The following IFFO1 variants were observed in gnomAD, a reference collection of about 807,000 sequenced individuals.
The protein encoded by IFFO1 is intermediate filament family orphan 1, also known as non-homologous end joining factor IFFO1.
IFFO1 carries 42 observed loss-of-function variants against 59.6 expected under a neutral mutation model. The observed-to-expected ratio is 0.70, with a 90% CI of 0.55 to 0.91. IFFO1 has a LOEUF of 0.91. IFFO1 is among the 40% of genes least tolerant of loss of function. IFFO1 has a pLI of 0.00. For missense variants in IFFO1, 711 were observed against 793.2 expected (o/e 0.90, Z 1.24); for synonymous variants, 336 against 342.8 (o/e 0.98, Z 0.22).
In IFFO1 at chr12:6,555,890, C is replaced by G. The variant is rs780277214; in HGVS notation, c.140G>C (p.Gly47Ala). The G allele has an allele frequency of 6.3e-7, 1 of 1,583,810 alleles. No homozygotes were observed. Among genetic ancestry groups the G allele is most frequent in the Non-Finnish European group, 8.6e-7 (1 of 1,168,392 alleles). The change falls in exon 1 of 10, where the codon GGC becomes GCC. Residue 47 changes from glycine (G) to alanine (A), a missense_variant. This residue lies in a region of IFFO1 where 114 missense variants were observed against 102.4 expected (regional missense o/e 1.11). Transcript: ENST00000619571. This position sits in a 1 kb window ranked among gnomAD's most constrained non-coding sequence, Gnocchi z 8.6. ...DLPPAPLSPAGPAAYSPPGPG... is the reference protein window; with the variant it reads ...DLPPAPLSPAAPAAYSPPGPG... ...CCCGGGCGGCGAGTAGGCAGCAGGG[C>G]CGGCCGGCGAGAGAGGCGCCGGGGG...
rs1322567495 is a variant in IFFO1, at chr12:6,548,921, G to C, written c.1081-72C>G. The C allele has an allele frequency of 9.0e-6, 12 of 1,332,528 alleles. No individual in the cohort carries two copies. Among genetic ancestry groups the C allele is most frequent in the Admixed American group, 2.1e-5 (1 of 48,064 alleles). 82.5% of individuals were successfully genotyped at this position (1,332,528 alleles called of 1,614,324 possible). A position where few individuals can be genotyped will look rare whatever the true frequency, so the allele number is the denominator to read the frequency against. On this transcript the variant is annotated intron_variant, in intron 5 of 9. Transcript: ENST00000619571. This position sits in a 1 kb window ranked among gnomAD's most constrained non-coding sequence, Gnocchi z 6.1. ...AGGCCGGGCAGAGAGGGTGGGAATGGGGGAGAAGCATGAACCAGTAGGAAG... is the reference window on the plus strand; with the variant it reads ...AGGCCGGGCAGAGAGGGTGGGAATGCGGGAGAAGCATGAACCAGTAGGAAG...
Position 6,548,321 on chromosome 12 carries a change from G to C in IFFO1, c.1383+104C>G. Reference sequence around the variant, plus strand: ...AGGAAGAGGGGAGACGCAGGTAGAGGATGACAGCCACATGGGGGGACAGAG... The same window carrying C: ...AGGAAGAGGGGAGACGCAGGTAGAGCATGACAGCCACATGGGGGGACAGAG... On this transcript the variant is annotated intron_variant, in intron 7 of 9. Coordinates refer to ENST00000619571, the MANE Select transcript of IFFO1 (RefSeq NM_001193457.2). This position sits in a 1 kb window ranked among gnomAD's most constrained non-coding sequence, Gnocchi z 6.1. 7.1e-7 allele frequency: 1 copy of C among 1,411,678 alleles called. No individual in the cohort carries two copies. The highest frequency in any genetic ancestry group is 9.8e-7 in the Non-Finnish European group (1 of 1,016,614). 87.4% of individuals were successfully genotyped at this position (1,411,678 alleles called of 1,614,324 possible).
rs530715454 is a variant in IFFO1, at chr12:6,548,920, G to T, written c.1081-71C>A. ...GAGGCCGGGCAGAGAGGGTGGGAAT[G>T]GGGGAGAAGCATGAACCAGTAGGAA... On this transcript the variant is annotated intron_variant, in intron 5 of 9. Coordinates refer to ENST00000619571, the MANE Select transcript of IFFO1 (RefSeq NM_001193457.2). This position sits in a 1 kb window ranked among gnomAD's most constrained non-coding sequence, Gnocchi z 6.1. The T allele has an allele frequency of 1.5e-6, 2 of 1,334,564 alleles. No individual in the cohort carries two copies. Among genetic ancestry groups the T allele is most frequent in the South Asian group, 1.3e-5 (1 of 75,260 alleles). The allele number at this position is 1,334,564 out of a possible 1,614,324, so 82.7% of individuals were successfully genotyped here.
Position 6,549,780 on chromosome 12 carries a change from G to A in IFFO1, c.1047C>T (p.Cys349=), listed in dbSNP as rs199954160. Residue 349 remains cysteine (C), a synonymous_variant, in exon 4 of 10, where the codon TGC becomes TGT. Coordinates refer to ENST00000619571, the MANE Select transcript of IFFO1 (RefSeq NM_001193457.2). This position sits in a 1 kb window ranked among gnomAD's most constrained non-coding sequence, Gnocchi z 5.0. ...KLCDVAQQRN[C]EDMIQMFQKK... ...CCTGGAACATCTGGATCATGTCCTC[G>A]CAGTTGCGCTGCTGAGCCACATCGC... is the stretch of plus-strand genomic sequence containing the variant. 34 of 1,613,844 alleles carry A rather than the reference G, an allele frequency of 2.1e-5. No individual in the cohort carries two copies. The highest frequency in any genetic ancestry group is 8.0e-5 in the African/African-American group (6 of 74,928).
At chr12:6,550,893 CAG>C (rs1015368932) in intron 2 of IFFO1, 46 bp downstream of exon 2, 3 of 1,608,970 alleles carry the variant, frequency 1.9e-6, no homozygotes, top group African/African-American at 2.7e-5. Flanking sequence ...CATGGGCAGA[CAG>C]GGGTACCCAG....
At chr12:6,552,681 T>G (rs1184057541) in intron 1 of IFFO1, among the ~76,000 whole-genome samples, 1 of 152,144 alleles carries the variant, frequency 6.6e-6, no homozygotes, top group Non-Finnish European at 1.5e-5. Flanking sequence ...TATCTGACAG[T>G]GAGCTCAACA....
At position 6,541,229 on chromosome 12, in the gene IFFO1, C is replaced by T. The variant is rs551943783; in HGVS notation, c.1610+283G>A. 6.6e-6 allele frequency among the ~76,000 whole-genome samples: 1 copy of T among 152,300 alleles called. No individual in the cohort carries two copies. Among genetic ancestry groups the T allele is most frequent in the South Asian group, 2.1e-4 (1 of 4,830 alleles). On this transcript the variant is annotated intron_variant, in intron 9 of 9. Coordinates refer to ENST00000619571, the MANE Select transcript of IFFO1 (RefSeq NM_001193457.2). The surrounding 1 kb of genome is among the most constrained non-coding windows in gnomAD (Gnocchi z 4.8). ...TTTAGATAAAAATCTGCCCCCACAA[C>T]CCTTCTGTTCCTTGCCAGTTTTTAA...
rs746972419 is a variant in IFFO1 at position 6,548,801 on chromosome 12, G to A, written c.1129C>T (p.Arg377Trp). Residue 377 changes from arginine (R) to tryptophan (W), a missense_variant, in exon 6 of 10, where the codon CGG (arginine) becomes TGG (tryptophan). Arg to Trp is a moderately radical substitution (Grantham distance 101). Transcript: ENST00000619571. This position sits in a 1 kb window ranked among gnomAD's most constrained non-coding sequence, Gnocchi z 6.1. ...TCCTCGACGGCAGCCTTGCGCTCCC[G>A]CTTCCGCCCCCCCATGGATGGGACC... ...IKVPSMGGRKRERKAAVEEDT... is the reference protein window; with the variant it reads ...IKVPSMGGRKWERKAAVEEDT... 3.5e-5 allele frequency: 56 copies of A among 1,613,358 alleles called. 1 individual carries two copies. Among genetic ancestry groups the A allele is most frequent in the Non-Finnish European group, 4.3e-5 (51 of 1,179,824 alleles).
Position 6,548,985 on chromosome 12 carries a change from AG to A in IFFO1, c.1081-137del. The stretch of plus-strand genomic sequence containing the variant: ...AGAGAAAAGTCACAGTTACAATGAC[AG>A]GAACAGAAACACGGACAGTCACCAA... On this transcript the variant is annotated intron_variant, in intron 5 of 9. Coordinates refer to ENST00000619571, the MANE Select transcript of IFFO1 (RefSeq NM_001193457.2). This position sits in a 1 kb window ranked among gnomAD's most constrained non-coding sequence, Gnocchi z 6.1. The A allele has an allele frequency of 1.4e-6, 1 of 740,522 alleles. No individual in the cohort carries two copies. Among genetic ancestry groups the A allele is most frequent in the Non-Finnish European group, 2.2e-6 (1 of 456,390 alleles). 45.9% of individuals were successfully genotyped at this position (740,522 alleles called of 1,614,324 possible).
chr12:6,543,348 T>C (rs113256739), intron 8 of IFFO1, among the ~76,000 whole-genome samples: 1,693 of 152,284 alleles, frequency 0.011, 29 homozygotes, highest in African/African-American at 0.039. Context: ...AGGTGAGCAG[T>C]GGGCAAGTGA....
Position 6,555,140 on chromosome 12 carries a change from C to T in IFFO1, c.773+117G>A. On this transcript the variant is annotated intron_variant, in intron 1 of 9. Coordinates refer to ENST00000619571, the MANE Select transcript of IFFO1 (RefSeq NM_001193457.2). This position sits in a 1 kb window ranked among gnomAD's most constrained non-coding sequence, Gnocchi z 8.6. ...AATTGCTTCCAAGCTCCTCATTACA[C>T]AGCACAAACTTTACTCTCATTCTTT... 1 of 1,051,800 alleles carries T rather than the reference C, an allele frequency of 9.5e-7. No individual in the cohort carries two copies. The highest frequency in any genetic ancestry group is 1.3e-5 in the South Asian group (1 of 78,134). The allele number at this position is 1,051,800 out of a possible 1,614,324, so 65.2% of individuals were successfully genotyped here.
At chr12:6,545,145 G>A (rs2136106384) in intron 8 of IFFO1, among the ~76,000 whole-genome samples, 1 of 152,170 alleles carries the variant, frequency 6.6e-6, no homozygotes, top group Admixed American at 6.5e-5. Context: ...AACCTGGGAG[G>A]TGGAGCTTGC....
intron 8 of IFFO1, among the ~76,000 whole-genome samples, chr12:6,544,533 A>C (rs1446846106): frequency 1.3e-5 from 2 of 152,314 alleles, no homozygotes; most frequent in Admixed American, 6.5e-5. Flanking sequence ...ATCATGTTTT[A>C]CACTGGGCAC....
rs562717246 is a variant in IFFO1 at position 6,540,568 on chromosome 12, G to A, written c.1631C>T (p.Ala544Val). The change falls in exon 10 of 10, where the codon GCG becomes GTG. Residue 544 changes from alanine to valine, a missense_variant. Transcript: ENST00000619571. The part of the protein sequence containing the change: ...SGDRKSPAFT[A>V]VPLSDPPPPP... Reference sequence around the variant, plus strand: ...CGGCGGCGGGTCGCTAAGCGGGACCGCAGTGAAAGCAGGAGACTTTCTAGA... The same window carrying A: ...CGGCGGCGGGTCGCTAAGCGGGACCACAGTGAAAGCAGGAGACTTTCTAGA... 110 of 1,613,770 alleles carry A rather than the reference G, an allele frequency of 6.8e-5. No homozygotes were observed. The East Asian group carries it at 7.4e-4, about 11-fold the overall frequency.
In IFFO1 at chr12:6,540,514, C is replaced by A; in HGVS notation, c.1685G>T (p.Arg562Leu). Residue 562 changes from arginine to leucine, a missense_variant, in exon 10 of 10, where the codon CGC becomes CTC. Arg to Leu is a moderately radical substitution (Grantham distance 102). Around this residue, in one of 3 missense-constraint regions of IFFO1, gnomAD observed 579 missense variants for 650.3 expected, o/e 0.89. Transcript: ENST00000619571. ...CATGGAGCTGTCAGATGAGACATCG[C>A]GATCGGAGTCCTCAGCCTCGCTTGG... ...PPPSEAEDSD[R>L]DVSSDSSMR 6.2e-7 allele frequency: 1 copy of A among 1,614,092 alleles called. No homozygotes were observed. Among genetic ancestry groups the A allele is most frequent in the Non-Finnish European group, 8.5e-7 (1 of 1,180,016 alleles).
At position 6,548,015 on chromosome 12, in the gene IFFO1, C is replaced by T; in HGVS notation, c.1479+50G>A. On this transcript the variant is annotated intron_variant, in intron 8 of 9. Transcript: ENST00000619571. The surrounding 1 kb of genome is among the most constrained non-coding windows in gnomAD (Gnocchi z 6.1). ...TGAGGCCACTGCGCCTGCAGCCCCACTCAAAACCCTCTGGGACACCACGCC... is the reference window on the plus strand; with the variant it reads ...TGAGGCCACTGCGCCTGCAGCCCCATTCAAAACCCTCTGGGACACCACGCC... The T allele has an allele frequency of 2.1e-6, 3 of 1,430,276 alleles. No individual in the cohort carries two copies. Among genetic ancestry groups the T allele is most frequent in the Non-Finnish European group, 3.0e-6 (3 of 1,012,792 alleles). 88.6% of individuals were successfully genotyped at this position (1,430,276 alleles called of 1,614,324 possible). A position where few individuals can be genotyped will look rare whatever the true frequency, so the allele number is the denominator to read the frequency against.
In IFFO1 at chr12:6,550,828, C is replaced by T. The variant is rs372490626; in HGVS notation, c.835-38G>A. 19 of 1,606,316 alleles carry T rather than the reference C, an allele frequency of 1.2e-5. 1 individual carries two copies. The highest frequency in any genetic ancestry group is 9.9e-5 in the South Asian group (9 of 90,938). On this transcript the variant is annotated intron_variant, in intron 2 of 9. Coordinates refer to ENST00000619571, the MANE Select transcript of IFFO1 (RefSeq NM_001193457.2). ...GAAACCCTGATGTTGGTGGCACTGC[C>T]GAGGTGGGAGGAAGATAAAGATGCC...
Position 6,540,525 on chromosome 12 carries a change from C to T in IFFO1, c.1674G>A (p.Glu558=), listed in dbSNP as rs746972343. 1 of 1,614,106 alleles carries T rather than the reference C, an allele frequency of 6.2e-7. No individual in the cohort carries two copies. Among genetic ancestry groups the T allele is most frequent in the Admixed American group, 1.7e-5 (1 of 60,024 alleles). Residue 558 remains glutamate (E), a synonymous_variant, in exon 10 of 10, where the codon GAG becomes GAA. Transcript: ENST00000619571. ...SDPPPPPSEA[E]DSDRDVSSDS... ...CAGATGAGACATCGCGATCGGAGTC[C>T]TCAGCCTCGCTTGGCGGCGGCGGCG...
Position 6,548,843 on chromosome 12 carries a change from G to A in IFFO1, c.1087C>T (p.His363Tyr). The A allele has an allele frequency of 6.2e-7, 1 of 1,610,558 alleles. No individual in the cohort carries two copies. The highest frequency in any genetic ancestry group is 1.3e-5 in the African/African-American group (1 of 74,956). Residue 363 changes from histidine (H) to tyrosine (Y), a missense_variant, in exon 6 of 10, where the codon CAC (histidine) becomes TAC (tyrosine). By Grantham distance (83) the His-to-Tyr change is moderately conservative. Coordinates refer to ENST00000619571, the MANE Select transcript of IFFO1 (RefSeq NM_001193457.2). This position sits in a 1 kb window ranked among gnomAD's most constrained non-coding sequence, Gnocchi z 6.1. ...GATGGGACCTTAATGGGAGACAAGTGCAGAGACTACAGAGACGAGGCCGGG... is the reference window on the plus strand; with the variant it reads ...GATGGGACCTTAATGGGAGACAAGTACAGAGACTACAGAGACGAGGCCGGG... ...IQMFQKKLSL[H>Y]LSPIKVPSMG...
Sources: gnomAD v4.1 joint callset for allele counts (sites outside exome capture counted in the v4.1 genomes callset) on GRCh38, gnomAD v4.1.1 for gene constraint, gnomAD v4.1.1 regional missense constraint, Gnocchi (gnomAD v3.1) non-coding constraint, MANE v1.5 for transcripts, NCBI Gene and HGNC (gene_info 2026-07-23, HGNC 2026-07-21) for gene names.